Variants in DCLK2 observed in about 807,000 individuals in gnomAD.
DCLK2 encodes the protein doublecortin like kinase 2.
In DCLK2, 31 loss-of-function variants were observed where a neutral mutation model predicts 78.4. The ratio of observed to expected loss-of-function variants is 0.40; its 90% CI spans 0.30 to 0.53. The LOEUF (loss-of-function observed/expected upper bound fraction) is 0.53, where lower values mean the gene tolerates loss of function less well. Among genes scored for constraint, DCLK2 ranks in the 20% least tolerant of loss-of-function variants. The pLI is 0.61. For missense variants in DCLK2, 872 were observed against 973.7 expected (o/e 0.90, Z 1.39); for synonymous variants, 407 against 374.9 (o/e 1.09, Z -0.99).
At chr4:150,226,259 T>C (rs560959582) in intron 8 of DCLK2, among the ~76,000 whole-genome samples, 1 of 151,832 alleles carries the variant, frequency 6.6e-6, no homozygotes, top group African/African-American at 2.4e-5. Flanking sequence ...CTGTGATAAT[T>C]ACTGAAGCAT....
At chr4:150,117,439 G>A (rs954272189) in intron 2 of DCLK2, among the ~76,000 whole-genome samples, 80 of 152,326 alleles carry the variant, frequency 5.3e-4, no homozygotes, top group African/African-American at 1.9e-3. Context: ...AAGCAGGGGT[G>A]CCCAGCTCCT....
At chr4:150,235,484 C>T (rs543811457) in intron 10 of DCLK2, among the ~76,000 whole-genome samples, 1 of 152,260 alleles carries the variant, frequency 6.6e-6, no homozygotes, top group South Asian at 2.1e-4. Context: ...CCTAGATGAG[C>T]GTCCACCCCT....
intron 2 of DCLK2, among the ~76,000 whole-genome samples, chr4:150,138,043 T>A (rs1580575483): frequency 6.6e-6 from 1 of 152,212 alleles, no homozygotes; most frequent in Non-Finnish European, 1.5e-5. Context: ...GCTATGTTCA[T>A]GAAATTTTTA....
chr4:150,174,338 C>T (rs1736787662), intron 2 of DCLK2, among the ~76,000 whole-genome samples: 1 of 152,096 alleles, frequency 6.6e-6, no homozygotes, highest in Non-Finnish European at 1.5e-5. Context: ...ATTGATATTC[C>T]CAAGGTGGTC....
intron 2 of DCLK2, among the ~76,000 whole-genome samples, chr4:150,174,537 C>A (rs1043545773): frequency 1.3e-5 from 2 of 152,110 alleles, no homozygotes; most frequent in Non-Finnish European, 2.9e-5. Context: ...AAGAAGGGGA[C>A]CTGAGGCCGG....
chr4:150,087,729 C>T (rs552894466), intron 1 of DCLK2, among the ~76,000 whole-genome samples: 17 of 152,332 alleles, frequency 1.1e-4, no homozygotes, highest in Non-Finnish European at 2.4e-4. Context: ...AGCAACATTC[C>T]TTTCTTCTGG....
intron 2 of DCLK2, among the ~76,000 whole-genome samples, chr4:150,146,970 G>T (rs1475846628): frequency 6.6e-6 from 1 of 151,818 alleles, no homozygotes; most frequent in Non-Finnish European, 1.5e-5. Flanking sequence ...ACCTGATAGA[G>T]TTTTCTGAGG....
chr4:150,080,978 A>G (rs893421446), intron 1 of DCLK2, among the ~76,000 whole-genome samples: 1 of 152,224 alleles, frequency 6.6e-6, no homozygotes, highest in Non-Finnish European at 1.5e-5. Flanking sequence ...ACAATGTTCA[A>G]AGGGCCTTGT....
chr4:150,090,828 A>G (rs1730008047), intron 1 of DCLK2, among the ~76,000 whole-genome samples: 1 of 152,210 alleles, frequency 6.6e-6, no homozygotes, highest in Non-Finnish European at 1.5e-5. Flanking sequence ...GATTTGGTTC[A>G]GTCACTTGCC....
In DCLK2 at chr4:150,234,353, A is replaced by G. The variant is rs531924672; in HGVS notation, c.1566+1525A>G. Among the ~76,000 whole-genome samples, 273 of 152,324 alleles carry G rather than the reference A, an allele frequency of 1.8e-3. 3 individuals carry two copies. Among genetic ancestry groups the G allele is most frequent in the African/African-American group, 6.3e-3 (260 of 41,562 alleles). On this transcript the variant is annotated intron_variant, in intron 10 of 15. Transcript: ENST00000296550. ...TGGGATTGTAAGTACCATGGAGGCA[A>G]GGTTTGTGTCTAATTATCTTTATAT...
At chr4:150,114,348 G>A (rs900952578) in intron 2 of DCLK2, among the ~76,000 whole-genome samples, 8 of 152,164 alleles carry the variant, frequency 5.3e-5, no homozygotes, top group East Asian at 1.9e-4. Flanking sequence ...GGAGTGTTGC[G>A]TTCTCCCACT....
intron 10 of DCLK2, among the ~76,000 whole-genome samples, chr4:150,236,675 T>C (rs1742534634): frequency 6.6e-6 from 1 of 152,194 alleles, no homozygotes; most frequent in Admixed American, 6.5e-5. Flanking sequence ...GAGAGAGATA[T>C]ATGTATAATT....
intron 2 of DCLK2, among the ~76,000 whole-genome samples, chr4:150,142,696 CTG>C (rs1451033129): frequency 2.0e-5 from 3 of 152,098 alleles, no homozygotes; most frequent in Non-Finnish European, 2.9e-5. Context: ...ATCCGAGACT[CTG>C]TTTAACAAAC....
At chr4:150,227,899 C>T (rs1344233045) in intron 8 of DCLK2, among the ~76,000 whole-genome samples, 1 of 152,082 alleles carries the variant, frequency 6.6e-6, no homozygotes, top group Non-Finnish European at 1.5e-5. Flanking sequence ...AATAAATTAC[C>T]ACAAACTTGG....
Position 150,256,175 on chromosome 4 carries a change from T to G in DCLK2, c.2229T>G (p.Ser743=). The part of the protein sequence containing the change: ...EAVPAPTPPE[S]PTPHPPPAAP... ...TCCCGGCCCCCACCCCTCCGGAATC[T>G]CCCACCCCCCACCCTCCTCCCGCTG... Residue 743 remains serine (S), a synonymous_variant, in exon 16 of 16, where the codon TCT becomes TCG. Coordinates refer to ENST00000296550, the MANE Select transcript of DCLK2 (RefSeq NM_001040260.4). 7.2e-7 allele frequency: 1 copy of G among 1,395,802 alleles called. No homozygotes were observed. Among genetic ancestry groups the G allele is most frequent in the African/African-American group, 1.9e-5 (1 of 51,902 alleles). 86.5% of individuals were successfully genotyped at this position (1,395,802 alleles called of 1,614,324 possible). A position where few individuals can be genotyped will look rare whatever the true frequency, so the allele number is the denominator to read the frequency against.
chr4:150,181,370 C>T (rs1737504280), intron 2 of DCLK2, among the ~76,000 whole-genome samples: 1 of 151,958 alleles, frequency 6.6e-6, no homozygotes. Flanking sequence ...GAGCGGCTCT[C>T]AGTAGGGGGC....
At chr4:150,160,618 A>G (rs1287907469) in intron 2 of DCLK2, among the ~76,000 whole-genome samples, 1 of 152,232 alleles carries the variant, frequency 6.6e-6, no homozygotes, top group African/African-American at 2.4e-5. Context: ...TTTGTTTCAC[A>G]GTAAATTGGG....
intron 1 of DCLK2, 61 bp downstream of exon 1, chr4:150,079,509 G>A (rs983599104): frequency 7.0e-7 from 1 of 1,420,380 alleles, no homozygotes; most frequent in African/African-American, 1.5e-5. Flanking sequence ...CAGTGGGCGT[G>A]AGCCGGCGCA....
chr4:150,091,384 T>C (rs1037000678), intron 1 of DCLK2, among the ~76,000 whole-genome samples: 1 of 152,240 alleles, frequency 6.6e-6, no homozygotes, highest in African/African-American at 2.4e-5. Flanking sequence ...TCTTTCCTTT[T>C]CTTTCCTTTT....
Sources: allele counts gnomAD v4.1 joint callset (sites outside exome capture counted in the v4.1 genomes callset), GRCh38; gene constraint gnomAD v4.1.1; transcripts MANE v1.5; gene names NCBI Gene and HGNC (gene_info 2026-07-23, HGNC 2026-07-21).